The following MYO18B variants were observed in gnomAD, a reference collection of about 807,000 sequenced individuals.
The protein encoded by MYO18B is myosin XVIIIB, also known as unconventional myosin-XVIIIb.
Under a neutral mutation model 273.0 loss-of-function variants are expected in MYO18B, and 204 were observed. The ratio of observed to expected loss-of-function variants is 0.75; its 90% CI spans 0.67 to 0.84. The LOEUF (loss-of-function observed/expected upper bound fraction) is 0.84, where lower values mean the gene tolerates loss of function less well. MYO18B is among the 40% of genes least tolerant of loss of function. MYO18B has a pLI of 0.00. For missense variants in MYO18B, 3,212 were observed against 3,287.6 expected, an observed-to-expected ratio of 0.98 and a Z score of 0.56; for synonymous variants, 1,330 against 1,305.7, an observed-to-expected ratio of 1.02 and a Z score of -0.40.
intron 17 of MYO18B, among the ~76,000 whole-genome samples, chr22:25,838,220 T>C (rs12170588): frequency 0.35 from 53,658 of 151,668 alleles, 10,190 homozygotes; most frequent in Non-Finnish European, 0.42. Context: ...GAGAGAGAGA[T>C]GGAGTTTCAC....
At chr22:26,060,734 A>C in the MYO18B span, among the ~76,000 whole-genome samples, 1 of 152,010 alleles carries the variant, frequency 6.6e-6, no homozygotes, top group Non-Finnish European at 1.5e-5. Flanking sequence ...ACACATGCAC[A>C]CATATATACA....
intron 1 of MYO18B, among the ~76,000 whole-genome samples, chr22:25,760,001 T>A (rs1184980572): frequency 6.6e-6 from 1 of 152,186 alleles, no homozygotes; most frequent in Non-Finnish European, 1.5e-5. Context: ...GACAAATGAT[T>A]TCTCCAAGCG....
intron 34 of MYO18B, among the ~76,000 whole-genome samples, chr22:25,934,637 A>C (rs2092553639): frequency 6.6e-6 from 1 of 152,220 alleles, no homozygotes; most frequent in African/African-American, 2.4e-5. Flanking sequence ...TAAGAAGTAC[A>C]GTGGTTTTGT....
intron 42 of MYO18B, among the ~76,000 whole-genome samples, chr22:26,022,622 G>A (rs1258029183): frequency 6.6e-6 from 1 of 151,682 alleles, no homozygotes; most frequent in Non-Finnish European, 1.5e-5. Context: ...GACCCCTACT[G>A]CTCCTCTCCA....
intron 42 of MYO18B, among the ~76,000 whole-genome samples, chr22:26,019,663 TCTCAGGC>T (rs1935654957): frequency 6.6e-6 from 1 of 152,200 alleles, no homozygotes; most frequent in African/African-American, 2.4e-5. Context: ...TGGTTTCCCA[TCTCAGGC>T]CTCACCAGTA....
intron 33 of MYO18B, among the ~76,000 whole-genome samples, chr22:25,916,177 C>T (rs115172431): frequency 0.032 from 4,898 of 152,104 alleles, 275 homozygotes; most frequent in African/African-American, 0.11. Flanking sequence ...TCTACTGTAT[C>T]AGATTATTTT....
intron 1 of MYO18B, among the ~76,000 whole-genome samples, chr22:25,754,503 T>A (rs2086046056): frequency 6.6e-6 from 1 of 152,140 alleles, no homozygotes; most frequent in Non-Finnish European, 1.5e-5. Flanking sequence ...AGATCCAGTA[T>A]GTGTACGCGG....
At chr22:25,750,895 T>C (rs2085913053) in intron 1 of MYO18B, among the ~76,000 whole-genome samples, 1 of 152,182 alleles carries the variant, frequency 6.6e-6, no homozygotes, top group Non-Finnish European at 1.5e-5. Flanking sequence ...ACAGCTTTTA[T>C]TGAGAAGCTG....
At chr22:25,872,037 T>C (rs957686032) in intron 22 of MYO18B, among the ~76,000 whole-genome samples, 2 of 152,188 alleles carry the variant, frequency 1.3e-5, no homozygotes, top group African/African-American at 4.8e-5. Context: ...ACAGTCATTA[T>C]TGAAGCAATC....
intron 34 of MYO18B, among the ~76,000 whole-genome samples, chr22:25,930,419 G>T (rs938731468): frequency 6.6e-6 from 1 of 151,314 alleles, no homozygotes; most frequent in African/African-American, 2.4e-5. Flanking sequence ...GAAGGAATCC[G>T]ACTCAGGTAC....
chr22:25,946,272 T>C (rs781673064), intron 35 of MYO18B, 22 bp downstream of exon 35: 2 of 1,524,656 alleles, frequency 1.3e-6, no homozygotes, highest in African/African-American at 1.4e-5. Flanking sequence ...TTCCTGCAGC[T>C]GCAGGGACCT....
chr22:25,841,107 C>G (rs991807839), intron 17 of MYO18B, among the ~76,000 whole-genome samples: 1 of 152,118 alleles, frequency 6.6e-6, no homozygotes, highest in African/African-American at 2.4e-5. Flanking sequence ...TGAGTGTTCC[C>G]ACAAGGGCCA....
At chr22:26,029,434 C>T (rs755339580) in intron 43 of MYO18B, among the ~76,000 whole-genome samples, 1 of 152,164 alleles carries the variant, frequency 6.6e-6, no homozygotes, top group African/African-American at 2.4e-5. Flanking sequence ...GGCCTTCTCT[C>T]TGCTCTCAAT....
intron 11 of MYO18B, among the ~76,000 whole-genome samples, chr22:25,786,254 G>C (rs1189754705): frequency 1.3e-5 from 2 of 152,158 alleles, no homozygotes; most frequent in Non-Finnish European, 2.9e-5. Flanking sequence ...GCAATCATGT[G>C]AGATAAGAAT....
intron 34 of MYO18B, among the ~76,000 whole-genome samples, chr22:25,926,634 G>T (rs1217771392): frequency 6.6e-6 from 1 of 152,180 alleles, no homozygotes; most frequent in East Asian, 1.9e-4. Context: ...GAGGGAATGT[G>T]TTCGAATGCA....
intron 3 of MYO18B, among the ~76,000 whole-genome samples, chr22:25,767,431 C>T (rs1219116231): frequency 6.6e-6 from 1 of 152,226 alleles, no homozygotes; most frequent in African/African-American, 2.4e-5. Flanking sequence ...GTTTATTCTT[C>T]TCTCTCTGAT....
intron 40 of MYO18B, among the ~76,000 whole-genome samples, chr22:25,997,121 G>A (rs1444632115): frequency 5.9e-5 from 9 of 151,694 alleles, no homozygotes; most frequent in East Asian, 3.9e-4. Flanking sequence ...TCAGGAGTTC[G>A]AGCCCCGCCT....
intron 7 of MYO18B, among the ~76,000 whole-genome samples, chr22:25,777,148 A>AAT (rs1396721802): frequency 6.6e-6 from 1 of 152,222 alleles, no homozygotes; most frequent in African/African-American, 2.4e-5. Flanking sequence ...TGTTATGGCA[A>AAT]ATATATAGCA....
In MYO18B at chr22:25,902,665, C is replaced by A. The variant is rs1601527948; in HGVS notation, c.4876C>A (p.Leu1626Ile). 6.2e-7 allele frequency: 1 copy of A among 1,601,488 alleles called. No homozygotes were observed. Among genetic ancestry groups the A allele is most frequent in the Admixed American group, 1.7e-5 (1 of 58,682 alleles). The change falls in exon 30 of 44, where the codon CTC becomes ATC. Residue 1626 changes from leucine to isoleucine, a missense_variant. Coordinates refer to ENST00000335473, the MANE Select transcript of MYO18B (RefSeq NM_032608.7). The part of the protein sequence containing the change: ...ALGESVFEKG[L>I]REKVTQENTS... ...AGGTGAGTCAGTGTTTGAGAAGGGT[C>A]TCCGTGAGAAAGTGACCCAGGAGAA...
Sources: gnomAD v4.1 joint callset for allele counts (sites outside exome capture counted in the v4.1 genomes callset) on GRCh38, gnomAD v4.1.1 for gene constraint, MANE v1.5 for transcripts, NCBI Gene and HGNC (gene_info 2026-07-23, HGNC 2026-07-21) for gene names.